Variants in REV3L observed in about 807,000 individuals in gnomAD.
REV3L encodes DNA polymerase zeta catalytic subunit.
A neutral mutation model predicts 299.4 loss-of-function variants in REV3L; 69 were observed. That is an observed-to-expected ratio of 0.23 (90% CI 0.19 to 0.28). REV3L has a LOEUF of 0.28. Ranked by LOEUF, REV3L falls within the 10% of genes least tolerant of loss-of-function variation. The pLI is 1.00. For synonymous variants in REV3L, 1,238 were observed against 1,271.4 expected (o/e 0.97, Z 0.56); for missense variants, 3,128 against 3,693.8 (o/e 0.85, Z 3.97).
At chr6:111,480,406 CCTCT>C (rs1166194176) in intron 1 of REV3L, among the ~76,000 whole-genome samples, 1 of 152,034 alleles carries the variant, frequency 6.6e-6, no homozygotes, top group South Asian at 2.1e-4. Context: ...GTCAGACTGG[CCTCT>C]CTTTTATATT....
At chr6:111,379,235 A>T (rs564342535) in intron 11 of REV3L, among the ~76,000 whole-genome samples, 136 of 152,378 alleles carry the variant, frequency 8.9e-4, no homozygotes, top group Non-Finnish European at 1.6e-3. Flanking sequence ...GTAGAAAAAT[A>T]AAAACTTTCA....
rs1441810961 is a variant in REV3L, at chr6:111,460,397, C to T, written c.139+22353G>A. ...CCTTTGTAATAAACCTGCACAGGTACACCCGGAATCTAAAATAAAAGCGGA... is the reference window on the plus strand; with the variant it reads ...CCTTTGTAATAAACCTGCACAGGTATACCCGGAATCTAAAATAAAAGCGGA... On this transcript the variant is annotated intron_variant, in intron 1 of 31. Transcript: ENST00000368802. 1.9e-4 allele frequency: 28 copies of T among 145,308 alleles called. No homozygotes were observed. In the Admixed American group the frequency reaches 2.0e-3, roughly 10 times the overall value. The allele number at this position is 145,308 out of a possible 1,614,324, so 9.0% of individuals were successfully genotyped here. A position where few individuals can be genotyped will look rare whatever the true frequency, so the allele number is the denominator to read the frequency against.
At chr6:111,422,597 C>T (rs13207449) in intron 1 of REV3L, among the ~76,000 whole-genome samples, 1,587 of 17,104 alleles carry the variant, frequency 0.093, 278 homozygotes, top group Non-Finnish European at 0.2. Context: ...TATATATACA[C>T]ATATATATAT....
chr6:111,316,677 A>AG (rs1349591374), intron 26 of REV3L, among the ~76,000 whole-genome samples: 1 of 151,872 alleles, frequency 6.6e-6, no homozygotes, highest in Non-Finnish European at 1.5e-5. Flanking sequence ...AAAAAAAAAA[A>AG]GAAAAAAAAA....
chr6:111,435,273 C>T (rs558664096), intron 1 of REV3L, among the ~76,000 whole-genome samples: 115 of 152,234 alleles, frequency 7.6e-4, no homozygotes, highest in African/African-American at 2.6e-3. Flanking sequence ...TCCCTATCAA[C>T]GTATAAATGA....
intron 21 of REV3L, among the ~76,000 whole-genome samples, chr6:111,336,851 T>C (rs1348385731): frequency 1.3e-5 from 2 of 152,058 alleles, no homozygotes; most frequent in Non-Finnish European, 2.9e-5. Flanking sequence ...ATAAAAGAAA[T>C]ACTGAAAGAT....
intron 5 of REV3L, among the ~76,000 whole-genome samples, chr6:111,391,031 A>G (rs1224707121): frequency 6.6e-6 from 1 of 151,574 alleles, no homozygotes; most frequent in Non-Finnish European, 1.5e-5. Flanking sequence ...GGTTGATGAC[A>G]TATTTCATTA....
In REV3L at chr6:111,374,057, G is replaced by A. The variant is rs757298074; in HGVS notation, c.4298C>T (p.Ala1433Val). ...KDSQQQIVCI[A>V]EQSKHSETCS... ...AGTTTCACTGTGCTTTGACTGTTCCGCTATGCACACAATCTGCTGCTGACT... is the reference window on the plus strand; with the variant it reads ...AGTTTCACTGTGCTTTGACTGTTCCACTATGCACACAATCTGCTGCTGACT... Residue 1433 changes from alanine (A) to valine (V), a missense_variant, in exon 13 of 32, where the codon GCG becomes GTG. Ala to Val is a moderately conservative substitution (Grantham distance 64, BLOSUM62 0). This residue lies in a region of REV3L where 2,409 missense variants were observed against 2,611.8 expected (regional missense o/e 0.92). Transcript: ENST00000368802. The A allele has an allele frequency of 1.4e-5, 22 of 1,613,936 alleles. No individual in the cohort carries two copies. Among genetic ancestry groups the A allele is most frequent in the South Asian group, 9.9e-5 (9 of 91,084 alleles).
At chr6:111,382,348 T>G (rs951636216) in intron 9 of REV3L, among the ~76,000 whole-genome samples, 1 of 152,114 alleles carries the variant, frequency 6.6e-6, no homozygotes, top group African/African-American at 2.4e-5. Flanking sequence ...TGACAGCACC[T>G]CCCATCTCTC....
chr6:111,305,099 G>T (rs558332152), intron 31 of REV3L, among the ~76,000 whole-genome samples: 56 of 151,916 alleles, frequency 3.7e-4, no homozygotes, highest in Non-Finnish European at 6.0e-4. Context: ...GTGCCACCAC[G>T]CCTGGCTAAT....
At chr6:111,464,781 T>A (rs1791224778) in intron 1 of REV3L, among the ~76,000 whole-genome samples, 1 of 152,088 alleles carries the variant, frequency 6.6e-6, no homozygotes, top group Non-Finnish European at 1.5e-5. Flanking sequence ...ACAGGTGGAC[T>A]TCCTGAGCTC....
rs1329372789 is a variant in REV3L, at chr6:111,381,399, G to A, written c.1142C>T (p.Ala381Val). ...ACTATTTTCCATAAGGTTCAAAATT[G>A]CTTCTTCATTAATAAGAGCTTCTTC... is the stretch of plus-strand genomic sequence containing the variant. ...KVEEALINEE[A>V]ILNLMENSQT... Residue 381 changes from alanine to valine, a missense_variant, in exon 10 of 32, where the codon GCA becomes GTA. Ala to Val is a moderately conservative substitution (Grantham distance 64, BLOSUM62 0). Around this residue, in one of 9 missense-constraint regions of REV3L, gnomAD observed 2,409 missense variants for 2,611.8 expected, o/e 0.92. Coordinates refer to ENST00000368802, the MANE Select transcript of REV3L (RefSeq NM_001372078.1). The A allele has an allele frequency of 1.5e-5, 25 of 1,613,182 alleles. No individual in the cohort carries two copies. The highest frequency in any genetic ancestry group is 2.0e-5 in the Non-Finnish European group (24 of 1,179,552).
intron 24 of REV3L, among the ~76,000 whole-genome samples, chr6:111,330,535 T>TA (rs1301838447): frequency 6.6e-5 from 10 of 152,116 alleles, no homozygotes. Context: ...CCTGAATATT[T>TA]AAAAAATCTT....
At chr6:111,425,070 C>T (rs1346309425) in intron 1 of REV3L, among the ~76,000 whole-genome samples, 2 of 152,198 alleles carry the variant, frequency 1.3e-5, no homozygotes, top group East Asian at 3.8e-4. Context: ...CCCCAACATA[C>T]TCACAGAGCC....
chr6:111,373,570 G>T lies in REV3L; in HGVS notation c.4785C>A (p.Ile1595=). The T allele has an allele frequency of 6.2e-7, 1 of 1,613,958 alleles. No homozygotes were observed. Among genetic ancestry groups the T allele is most frequent in the Non-Finnish European group, 8.5e-7 (1 of 1,179,958 alleles). ...AAGAGTCTACTTTGAGAAGTTTGGG[G>T]ATTTTTTCTTTTTGTTTTGTACTTC... ...TPRSTKQKEK[I]PKLLKVDSLN... is the part of the protein sequence containing the mutation. The change falls in exon 13 of 32, where the codon ATC becomes ATA. Residue 1595 remains isoleucine, a synonymous_variant. Coordinates refer to ENST00000368802, the MANE Select transcript of REV3L (RefSeq NM_001372078.1).
chr6:111,376,095 T>C lies in REV3L; in HGVS notation c.2260A>G (p.Arg754Gly), dbSNP rs770075535. The change falls in exon 13 of 32, where the codon AGA becomes GGA. Residue 754 changes from arginine (R) to glycine (G), a missense_variant. By Grantham distance (125) the Arg-to-Gly change is moderately radical. Coordinates refer to ENST00000368802, the MANE Select transcript of REV3L (RefSeq NM_001372078.1). ...CELLSCSGEN[R>G]TMVHSLNSTA... The stretch of plus-strand genomic sequence containing the variant: ...CTATTAAGAGAATGCACCATAGTTC[T>C]ATTCTCCCCTGAGCATGACAGTAAT... The C allele has an allele frequency of 6.2e-7, 1 of 1,613,668 alleles. No individual in the cohort carries two copies. Among genetic ancestry groups the C allele is most frequent in the South Asian group, 1.1e-5 (1 of 91,080 alleles).
At chr6:111,480,864 G>T (rs1583158970) in intron 1 of REV3L, among the ~76,000 whole-genome samples, 1 of 140,344 alleles carries the variant, frequency 7.1e-6, no homozygotes, top group African/African-American at 2.6e-5. Context: ...TTAAGGTGCT[G>T]GTAATCTATT....
chr6:111,305,176 C>A (rs904917847), intron 31 of REV3L, among the ~76,000 whole-genome samples: 1 of 151,906 alleles, frequency 6.6e-6, no homozygotes, highest in East Asian at 1.9e-4. Flanking sequence ...CCCGACCTCA[C>A]GTGATCCGCC....
chr6:111,438,775 T>C (rs1027333985), intron 1 of REV3L, among the ~76,000 whole-genome samples: 3 of 152,174 alleles, frequency 2.0e-5, no homozygotes, highest in Admixed American at 6.5e-5. Flanking sequence ...CTACTAAGCA[T>C]ACAGTTGATC....
Sources: allele counts gnomAD v4.1 joint callset (sites outside exome capture counted in the v4.1 genomes callset), GRCh38; gene constraint gnomAD v4.1.1; regional missense constraint gnomAD v4.1.1; transcripts MANE v1.5; gene names NCBI Gene and HGNC (gene_info 2026-07-23, HGNC 2026-07-21).